LTN1: variants seen among roughly 807,000 people sequenced by gnomAD.
LTN1 encodes listerin E3 ubiquitin protein ligase 1, also known as E3 ubiquitin-protein ligase listerin.
Under a neutral mutation model 201.2 loss-of-function variants are expected in LTN1, and 88 were observed. The observed-to-expected ratio is 0.44, with a 90% CI of 0.37 to 0.52. LTN1 has a LOEUF of 0.52. Among genes scored for constraint, LTN1 ranks in the 20% least tolerant of loss-of-function variants. LTN1 has a pLI of 0.00. For synonymous variants in LTN1, 645 were observed against 713.5 expected (o/e 0.90, Z 1.53); for missense variants, 1,752 against 2,038.7 (o/e 0.86, Z 2.71).
chr21:28,966,518 G>A lies in LTN1; in HGVS notation c.1973C>T (p.Ala658Val), dbSNP rs942691272. The A allele has an allele frequency of 1.1e-5, 17 of 1,613,916 alleles. No individual in the cohort carries two copies. The highest frequency in any genetic ancestry group is 4.0e-5 in the African/African-American group (3 of 74,912). Residue 658 changes from alanine to valine, a missense_variant, in exon 10 of 30, where the codon GCG becomes GTG. Transcript: ENST00000361371. Reference protein sequence around the residue: ...EIAKLVQKNPAVQFLYQKLIG... With the variant: ...EIAKLVQKNPVVQFLYQKLIG... ...CAGTTTCTGGTATAAAAACTGCACC[G>A]CAGGATTTTTTTGTACAAGCTTGGC...
At chr21:28,948,075 C>T (rs1373395052) in intron 18 of LTN1, among the ~76,000 whole-genome samples, 1 of 145,792 alleles carries the variant, frequency 6.9e-6, no homozygotes, top group Non-Finnish European at 1.5e-5. Flanking sequence ...ACCTGTAATC[C>T]CAGCTACTCA....
intron 16 of LTN1, among the ~76,000 whole-genome samples, 181 bp downstream of exon 16, chr21:28,956,581 G>A (rs2084427201): frequency 6.6e-6 from 1 of 152,140 alleles, no homozygotes; most frequent in African/African-American, 2.4e-5. Context: ...CAATATATTC[G>A]TATCTAATTT....
At chr21:28,983,643 C>A (rs1424191356) in intron 4 of LTN1, among the ~76,000 whole-genome samples, 1 of 151,986 alleles carries the variant, frequency 6.6e-6, no homozygotes, top group Non-Finnish European at 1.5e-5. Flanking sequence ...GAAATTTGAA[C>A]TTAAAAGTGT....
intron 25 of LTN1, 144 bp from the exon 26 acceptor site, chr21:28,936,841 T>A: frequency 6.1e-6 from 4 of 656,088 alleles, no homozygotes; most frequent in Non-Finnish European, 1.1e-5. Context: ...ATTTCTAATA[T>A]CTTTCTCAAA....
intron 18 of LTN1, among the ~76,000 whole-genome samples, chr21:28,951,283 A>C (rs373104751): frequency 1.3e-5 from 2 of 152,372 alleles, no homozygotes; most frequent in South Asian, 2.1e-4. Flanking sequence ...CAGAACATGT[A>C]TCTATCATTT....
intron 25 of LTN1, among the ~76,000 whole-genome samples, chr21:28,940,522 A>T (rs1488102658): frequency 1.3e-5 from 2 of 152,168 alleles, no homozygotes; most frequent in African/African-American, 4.8e-5. Flanking sequence ...ATTTCCAATG[A>T]TGTATTAAGT....
At chr21:28,980,956 A>T (rs1329454382) in intron 6 of LTN1, among the ~76,000 whole-genome samples, 163 bp downstream of exon 6, 1 of 152,196 alleles carries the variant, frequency 6.6e-6, no homozygotes, top group Non-Finnish European at 1.5e-5. Context: ...AAAAGTAAAA[A>T]CAGAGTAACA....
chr21:28,967,647 A>C (rs1004024319), intron 9 of LTN1: 2 of 152,742 alleles, frequency 1.3e-5, no homozygotes, highest in Non-Finnish European at 2.9e-5. Context: ...CATTTATAAT[A>C]AACTGGTAAA....
At chr21:28,992,707 C>T in intron 1 of LTN1, 57 bp downstream of exon 1, 2 of 1,600,300 alleles carry the variant, frequency 1.2e-6, no homozygotes, top group African/African-American at 1.3e-5. Context: ...ACGCGCTGGG[C>T]GGAGCCAGCC....
intron 28 of LTN1, 50 bp downstream of exon 28, chr21:28,932,420 A>T: frequency 1.4e-6 from 2 of 1,413,222 alleles, no homozygotes; most frequent in Non-Finnish European, 2.0e-6. Flanking sequence ...CCTTTTAAAT[A>T]GATCATCTTT....
Position 28,981,300 on chromosome 21 carries a change from C to A in LTN1, c.630-1G>T, listed in dbSNP as rs1275150804. The A allele has an allele frequency of 6.7e-7, 1 of 1,487,496 alleles. No homozygotes were observed. The highest frequency in any genetic ancestry group is 8.9e-7 in the Non-Finnish European group (1 of 1,120,080). 92.1% of individuals were successfully genotyped at this position (1,487,496 alleles called of 1,614,324 possible). A position where few individuals can be genotyped will look rare whatever the true frequency, so the allele number is the denominator to read the frequency against. ...TTCTCTTTCTTCCTCTGGAACAGTTCTTGATATAAAACAAAATAAATATAT... is the reference window on the plus strand; with the variant it reads ...TTCTCTTTCTTCCTCTGGAACAGTTATTGATATAAAACAAAATAAATATAT... On this transcript the variant is annotated splice_acceptor_variant, in intron 5 of 29. Coordinates refer to ENST00000361371, the MANE Select transcript of LTN1 (RefSeq NM_015565.3). LOFTEE classifies it high-confidence loss of function.
At position 28,960,541 on chromosome 21, in the gene LTN1, C is replaced by A. The variant is rs1419086313; in HGVS notation, c.2329G>T (p.Val777Leu). The change falls in exon 12 of 30, where the codon GTA becomes TTA. Residue 777 changes from valine (V) to leucine (L), a missense_variant. By Grantham distance (32) the Val-to-Leu change is conservative. This residue lies in a region of LTN1 where 1,211 missense variants were observed against 1,312.8 expected (regional missense o/e 0.92). Coordinates refer to ENST00000361371, the MANE Select transcript of LTN1 (RefSeq NM_015565.3). ...FSERWTLLSL[V>L]LSQHVKNDYL... ...CCATTTTTAACATGTTGGGATAATA[C>A]CAAGCTTAGAAGAGTCCATCTTTCT... is the stretch of plus-strand genomic sequence containing the variant. 1.2e-6 allele frequency: 2 copies of A among 1,612,952 alleles called. No homozygotes were observed. Among genetic ancestry groups the A allele is most frequent in the Admixed American group, 3.3e-5 (2 of 59,864 alleles).
In LTN1 at chr21:28,986,637, A is replaced by G; in HGVS notation, c.246+94T>C. 1.1e-6 allele frequency: 1 copy of G among 919,600 alleles called. No individual in the cohort carries two copies. The highest frequency in any genetic ancestry group is 1.7e-5 in the African/African-American group (1 of 59,844). 57.0% of individuals were successfully genotyped at this position (919,600 alleles called of 1,614,324 possible). The stretch of plus-strand genomic sequence containing the variant: ...CAATTATAAAAGAACTTAGCAATAA[A>G]TTGTTCATTTTTCTTTACATAAAAC... On this transcript the variant is annotated intron_variant, in intron 2 of 29. Transcript: ENST00000361371. This position sits in a 1 kb window ranked among gnomAD's most constrained non-coding sequence, Gnocchi z 4.1.
At chr21:28,973,365 A>G (rs927742478) in intron 6 of LTN1, among the ~76,000 whole-genome samples, 2 of 151,312 alleles carry the variant, frequency 1.3e-5, no homozygotes, top group Admixed American at 6.6e-5. Context: ...AAAAAAAAAA[A>G]AAAGAATGAG....
chr21:28,976,300 C>T (rs892452808), intron 6 of LTN1, among the ~76,000 whole-genome samples: 2 of 151,984 alleles, frequency 1.3e-5, no homozygotes, highest in Non-Finnish European at 2.9e-5. Context: ...TTTTAAAGTA[C>T]CCAAATAACT....
intron 9 of LTN1, 141 bp downstream of exon 9, chr21:28,969,325 T>TA: frequency 4.8e-6 from 3 of 627,114 alleles, no homozygotes; most frequent in Non-Finnish European, 7.8e-6. Context: ...TGGTCAGAAA[T>TA]ACACATCACT....
chr21:28,971,856 C>A (rs1336729541), intron 6 of LTN1, among the ~76,000 whole-genome samples: 1 of 151,922 alleles, frequency 6.6e-6, no homozygotes, highest in Non-Finnish European at 1.5e-5. Context: ...TTTAAAGGAA[C>A]AAAAGTTTTA....
intron 4 of LTN1, among the ~76,000 whole-genome samples, chr21:28,982,893 G>T (rs1460038521): frequency 1.3e-5 from 2 of 152,194 alleles, no homozygotes; most frequent in East Asian, 3.8e-4. Flanking sequence ...GCCAGGTATT[G>T]CTTTGAGCAC....
chr21:28,969,567 C>T lies in LTN1; in HGVS notation c.1210G>A (p.Glu404Lys), dbSNP rs751462033. The change falls in exon 9 of 30, where the codon GAG (glutamate) becomes AAG (lysine). Residue 404 changes from glutamate (E) to lysine (K), a missense_variant. By Grantham distance (56) the Glu-to-Lys change is moderately conservative. Around this residue, in one of 3 missense-constraint regions of LTN1, gnomAD observed 1,211 missense variants for 1,312.8 expected, o/e 0.92. Coordinates refer to ENST00000361371, the MANE Select transcript of LTN1 (RefSeq NM_015565.3). ...STERTKTSSL[E>K]SSAVISAFFE... ...AAAGCAGATATTACTGCCGAGGACT[C>T]TAAAGAGCTGGTTTTAGTTCTCTCT... The T allele has an allele frequency of 6.2e-7, 1 of 1,611,246 alleles. No homozygotes were observed. The highest frequency in any genetic ancestry group is 8.5e-7 in the Non-Finnish European group (1 of 1,178,610).
Sources: gnomAD v4.1 joint callset for allele counts (sites outside exome capture counted in the v4.1 genomes callset) on GRCh38, gnomAD v4.1.1 for gene constraint, gnomAD v4.1.1 regional missense constraint, Gnocchi (gnomAD v3.1) non-coding constraint, MANE v1.5 for transcripts, NCBI Gene and HGNC (gene_info 2026-07-23, HGNC 2026-07-21) for gene names.